The following ZNF732 variants were observed in gnomAD, a reference collection of about 807,000 sequenced individuals.
ZNF732 encodes zinc finger protein LOC654254.
ZNF732 carries 12 observed loss-of-function variants against 11.5 expected under a neutral mutation model. The observed-to-expected ratio is 1.05, with a 90% CI of 0.67 to 1.70. The LOEUF is 1.70. ZNF732 is among the 40% of genes most tolerant of loss of function. ZNF732 has a pLI of 0.00. For synonymous variants in ZNF732, 231 were observed against 236.5 expected, an observed-to-expected ratio of 0.98 and a Z score of 0.21; for missense variants, 702 against 676.9, an observed-to-expected ratio of 1.04 and a Z score of -0.41.
chr4:301,310 C>T (rs1386960982), intron 1 of ZNF732, among the ~76,000 whole-genome samples: 7 of 152,086 alleles, frequency 4.6e-5, no homozygotes, highest in African/African-American at 1.2e-4. Flanking sequence ...GACAGTGTGG[C>T]GATTCCTCAG....
At position 278,908 on chromosome 4, in the gene ZNF732, T is replaced by C. The variant is rs1311001786; in HGVS notation, c.227-6278A>G. 4.6e-5 allele frequency among the ~76,000 whole-genome samples: 7 copies of C among 152,366 alleles called. No individual in the cohort carries two copies. The East Asian group carries it at 1.2e-3, about 25-fold the overall frequency. On this transcript the variant is annotated intron_variant, in intron 3 of 3. Coordinates refer to ENST00000419098, the MANE Select transcript of ZNF732 (RefSeq NM_001137608.3). ...GTCTGGTGGTGAATCCTCCATAGTC[T>C]GGTAAATGTAAATATATATATCTCC...
chr4:270,768 G>C lies in ZNF732; in HGVS notation c.*331C>G, dbSNP rs1719333286. 1 of 491,130 alleles carries C rather than the reference G, an allele frequency of 2.0e-6. No individual in the cohort carries two copies. The highest frequency in any genetic ancestry group is 3.9e-6 in the Non-Finnish European group (1 of 258,656). 30.4% of individuals were successfully genotyped at this position (491,130 alleles called of 1,614,324 possible). A position where few individuals can be genotyped will look rare whatever the true frequency, so the allele number is the denominator to read the frequency against. On this transcript the variant is annotated 3_prime_UTR_variant, in exon 4 of 4. Coordinates refer to ENST00000419098, the MANE Select transcript of ZNF732 (RefSeq NM_001137608.3). ...CTTTCCCACATTCTTTACATTTGTA[G>C]GATTCATCTCCCATATGAATTTTCT...
At chr4:290,499 G>A (rs1339077748) in intron 3 of ZNF732, among the ~76,000 whole-genome samples, 1 of 152,148 alleles carries the variant, frequency 6.6e-6, no homozygotes, top group Non-Finnish European at 1.5e-5. Context: ...CCTGGCCTCA[G>A]CTGTGGTCCC....
intron 1 of ZNF732, among the ~76,000 whole-genome samples, chr4:296,981 A>C (rs1719966454): frequency 6.6e-6 from 1 of 152,204 alleles, no homozygotes; most frequent in Non-Finnish European, 1.5e-5. Context: ...TTGAAAAACA[A>C]CATGTGGTCC....
In ZNF732 at chr4:272,101, A is replaced by G. The variant is rs1325446192; in HGVS notation, c.756T>C (p.Tyr252=). The G allele has an allele frequency of 5.0e-6, 8 of 1,611,866 alleles. No individual in the cohort carries two copies. The highest frequency in any genetic ancestry group is 1.3e-5 in the African/African-American group (1 of 74,738). ...KVHTGEKSYK[Y]EECGKAFNRS... is the part of the protein sequence containing the mutation. ...TATTAAAGGCTTTGCCACATTCTTC[A>G]TATTTGTAAGATTTCTCTCCAGTAT... The change falls in exon 4 of 4, where the codon TAT becomes TAC. Residue 252 remains tyrosine, a synonymous_variant. Transcript: ENST00000419098.
Position 272,136 on chromosome 4 carries a change from G to C in ZNF732, c.721C>G (p.His241Asp), listed in dbSNP as rs1034554757. 4.3e-6 allele frequency: 7 copies of C among 1,612,928 alleles called. No homozygotes were observed. The highest frequency in any genetic ancestry group is 1.3e-5 in the African/African-American group (1 of 74,800). ...GATTTCTCTCCAGTATGAACTTTAT[G>C]TTTAGCAAAGTTTGAGGATGTGGTA... ...IFTTSSNFAK[H>D]KVHTGEKSYK... Residue 241 changes from histidine to aspartate, a missense_variant, in exon 4 of 4, where the codon CAT (histidine) becomes GAT (aspartate). Physicochemically the swap from His to Asp is moderately conservative, Grantham distance 81. Transcript: ENST00000419098.
chr4:270,928 C>T lies in ZNF732; in HGVS notation c.*171G>A, dbSNP rs1344018445. On this transcript the variant is annotated 3_prime_UTR_variant, in exon 4 of 4. Transcript: ENST00000419098. ...TTTGAAGGCTTTCCCACATTCTTTA[C>T]ATTTGTAGGGTTTTTCTCCAGTATG... is the stretch of plus-strand genomic sequence containing the variant. 3 of 763,926 alleles carry T rather than the reference C, an allele frequency of 3.9e-6. No homozygotes were observed. Among genetic ancestry groups the T allele is most frequent in the South Asian group, 1.6e-5 (1 of 64,462 alleles). 47.3% of individuals were successfully genotyped at this position (763,926 alleles called of 1,614,324 possible). A position where few individuals can be genotyped will look rare whatever the true frequency, so the allele number is the denominator to read the frequency against.
chr4:275,878 G>T (rs1719484167), intron 3 of ZNF732, among the ~76,000 whole-genome samples: 1 of 151,590 alleles, frequency 6.6e-6, no homozygotes, highest in South Asian at 2.1e-4. Flanking sequence ...ATAAAAAACA[G>T]AATTGTTTGT....
chr4:293,282 GTATATA>G (rs139781518), intron 3 of ZNF732, among the ~76,000 whole-genome samples: 1 of 140,264 alleles, frequency 7.1e-6, no homozygotes, highest in Non-Finnish European at 1.5e-5. Flanking sequence ...ATATGTATGT[GTATATA>G]TATATATATA....
At chr4:285,334 T>C (rs1553840489) in intron 3 of ZNF732, among the ~76,000 whole-genome samples, 1 of 152,134 alleles carries the variant, frequency 6.6e-6, no homozygotes, top group East Asian at 1.9e-4. Context: ...GGAGATAAGA[T>C]GGTCAGGTGA....
chr4:283,246 G>C (rs954979693), intron 3 of ZNF732, among the ~76,000 whole-genome samples: 1 of 152,120 alleles, frequency 6.6e-6, no homozygotes, highest in Admixed American at 6.5e-5. Context: ...CAGATTGTGA[G>C]CTAAGGAAAC....
At position 272,170 on chromosome 4, in the gene ZNF732, G is replaced by A; in HGVS notation, c.687C>T (p.Gly229=). Residue 229 remains glycine (G), a synonymous_variant, in exon 4 of 4, where the codon GGC becomes GGT. Transcript: ENST00000419098. ...GEKPFTCEEC[G]NIFTTSSNFA... is the part of the protein sequence containing the mutation. ...AGTTTGAGGATGTGGTAAAGATGTTGCCACATTCTTCACATGTGAAGGGTT... is the reference window on the plus strand; with the variant it reads ...AGTTTGAGGATGTGGTAAAGATGTTACCACATTCTTCACATGTGAAGGGTT... 1.9e-6 allele frequency: 3 copies of A among 1,613,030 alleles called. No individual in the cohort carries two copies. Among genetic ancestry groups the A allele is most frequent in the South Asian group, 1.1e-5 (1 of 91,030 alleles).
intron 3 of ZNF732, among the ~76,000 whole-genome samples, chr4:283,274 T>C (rs943313323): frequency 3.9e-5 from 6 of 152,178 alleles, no homozygotes; most frequent in African/African-American, 1.4e-4. Flanking sequence ...CTTTATAAAT[T>C]ACCAACTGTA....
chr4:293,803 TATC>T (rs1483291038), intron 3 of ZNF732, among the ~76,000 whole-genome samples: 1 of 152,236 alleles, frequency 6.6e-6, no homozygotes, highest in African/African-American at 2.4e-5. Context: ...AATATGTGCA[TATC>T]ATTACATTGT....
chr4:282,665 G>A (rs1719641236), intron 3 of ZNF732, among the ~76,000 whole-genome samples: 1 of 152,078 alleles, frequency 6.6e-6, no homozygotes, highest in Non-Finnish European at 1.5e-5. Context: ...ACCCACCACT[G>A]CACTACATCC....
intron 3 of ZNF732, among the ~76,000 whole-genome samples, chr4:287,918 A>G (rs11722197): frequency 0.14 from 21,483 of 151,908 alleles, 1,898 homozygotes; most frequent in Admixed American, 0.25. Flanking sequence ...AGTGCACAAG[A>G]GTTTCAATTT....
intron 3 of ZNF732, among the ~76,000 whole-genome samples, chr4:288,074 A>C (rs1439907588): frequency 2.0e-5 from 3 of 152,148 alleles, no homozygotes; most frequent in Admixed American, 6.5e-5. Flanking sequence ...TCATCTCTGG[A>C]GAAACATTTT....
chr4:280,809 C>T (rs188205868), intron 3 of ZNF732, among the ~76,000 whole-genome samples: 213 of 152,248 alleles, frequency 1.4e-3, no homozygotes, highest in Non-Finnish European at 2.3e-3. Context: ...CTACTAGCAC[C>T]ATCTGCAAAG....
intron 3 of ZNF732, among the ~76,000 whole-genome samples, chr4:293,384 C>T (rs1288979487): frequency 1.1e-4 from 16 of 150,468 alleles, no homozygotes; most frequent in African/African-American, 3.2e-4. Context: ...CCATTTACAA[C>T]CTGGATAGAC....
Sources: gnomAD v4.1 joint callset for allele counts (sites outside exome capture counted in the v4.1 genomes callset) on GRCh38, gnomAD v4.1.1 for gene constraint, MANE v1.5 for transcripts, NCBI Gene and HGNC (gene_info 2026-07-23, HGNC 2026-07-21) for gene names.